The following LRIG2 variants were observed in gnomAD, a reference collection of about 807,000 sequenced individuals.
LRIG2 encodes leucine-rich repeats and immunoglobulin-like domains protein 2.
In LRIG2, 93 loss-of-function variants were observed where a neutral mutation model predicts 107.8. The observed-to-expected ratio is 0.86, with a 90% CI of 0.73 to 1.03. The LOEUF (loss-of-function observed/expected upper bound fraction) is 1.03. Among genes scored for constraint, LRIG2 ranks in the 50% least tolerant of loss-of-function variants. The pLI, the probability that LRIG2 is intolerant of heterozygous loss-of-function variation, is 0.00. For synonymous variants in LRIG2, 471 were observed against 470.6 expected, an observed-to-expected ratio of 1.00 and a Z score of -0.01; for missense variants, 1,226 against 1,296.0, an observed-to-expected ratio of 0.95 and a Z score of 0.83.
chr1:113,124,191 A>ATT lies in LRIG2; in HGVS notation c.*92_*93dup, dbSNP rs1655391567. ...GCTCAGAAGAAACTCCGAAGTCAGC[A>ATT]TTTGCTTTACTCTTTCTTTATGATT... On this transcript the variant is annotated 3_prime_UTR_variant, in exon 18 of 18. Coordinates refer to ENST00000361127, the MANE Select transcript of LRIG2 (RefSeq NM_014813.3). 13 of 1,133,492 alleles carry ATT rather than the reference A, an allele frequency of 1.1e-5. No homozygotes were observed. Among genetic ancestry groups the ATT allele is most frequent in the Non-Finnish European group, 1.5e-5 (12 of 775,956 alleles). The allele number at this position is 1,133,492 out of a possible 1,614,324, so 70.2% of individuals were successfully genotyped here.
chr1:113,109,479 C>T (rs1302516341), intron 12 of LRIG2, among the ~76,000 whole-genome samples: 1 of 152,066 alleles, frequency 6.6e-6, no homozygotes, highest in Non-Finnish European at 1.5e-5. Context: ...ATTCATAATC[C>T]CCCCATTTTA....
Position 113,126,246 on chromosome 1 carries a change from A to G in LRIG2, c.*2145A>G, listed in dbSNP as rs1655482963. 1 of 152,236 alleles carries G rather than the reference A, an allele frequency of 6.6e-6. No homozygotes were observed. 9.4% of individuals were successfully genotyped at this position (152,236 alleles called of 1,614,324 possible). A position where few individuals can be genotyped will look rare whatever the true frequency, so the allele number is the denominator to read the frequency against. On this transcript the variant is annotated 3_prime_UTR_variant, in exon 18 of 18. Coordinates refer to ENST00000361127, the MANE Select transcript of LRIG2 (RefSeq NM_014813.3). ...CTGTCTCATTTACCAGGGGTCATTC[A>G]AAAGTCTGAGATGTATATTATCATG...
chr1:113,090,040 C>G (rs1653734624), intron 1 of LRIG2, among the ~76,000 whole-genome samples: 1 of 151,436 alleles, frequency 6.6e-6, no homozygotes, highest in Non-Finnish European at 1.5e-5. Context: ...AGGATGTGGT[C>G]AACTTCAATT....
chr1:113,093,480 C>T lies in LRIG2; in HGVS notation c.431C>T (p.Pro144Leu). 3.1e-6 allele frequency: 5 copies of T among 1,612,470 alleles called. No homozygotes were observed. The highest frequency in any genetic ancestry group is 4.2e-6 in the Non-Finnish European group (5 of 1,178,574). ...EINAQALQFY[P>L]ALESLDLSSN... ...AATGCACAGGCACTCCAGTTTTACCCTGCTCTGGAGAGTTTAGACCTCAGC... is the reference window on the plus strand; with the variant it reads ...AATGCACAGGCACTCCAGTTTTACCTTGCTCTGGAGAGTTTAGACCTCAGC... Residue 144 changes from proline to leucine, a missense_variant, in exon 4 of 18, where the codon CCT becomes CTT. By Grantham distance (98) the Pro-to-Leu change is moderately conservative. Coordinates refer to ENST00000361127, the MANE Select transcript of LRIG2 (RefSeq NM_014813.3).
intron 1 of LRIG2, among the ~76,000 whole-genome samples, chr1:113,076,197 G>C (rs997768282): frequency 6.6e-6 from 1 of 151,706 alleles, no homozygotes; most frequent in Non-Finnish European, 1.5e-5. Flanking sequence ...GTAGAGACGG[G>C]GTTTCACCAT....
chr1:113,121,604 G>A (rs1215925698), intron 17 of LRIG2, among the ~76,000 whole-genome samples: 2 of 152,000 alleles, frequency 1.3e-5, no homozygotes, highest in Non-Finnish European at 2.9e-5. Flanking sequence ...TTAGCTGGGC[G>A]TGGTGGTGGG....
At chr1:113,092,561 C>G (rs1185038129) in intron 2 of LRIG2, among the ~76,000 whole-genome samples, 3 of 23,956 alleles carry the variant, frequency 1.3e-4, no homozygotes, top group South Asian at 0.012. Context: ...ACTGATTATG[C>G]CTTCTTTAAG....
At chr1:113,110,973 T>C (rs888756230) in intron 13 of LRIG2, among the ~76,000 whole-genome samples, 3 of 149,418 alleles carry the variant, frequency 2.0e-5, no homozygotes, top group African/African-American at 7.4e-5. Context: ...TGTCTAAATG[T>C]AGTTACACAG....
intron 17 of LRIG2, among the ~76,000 whole-genome samples, chr1:113,120,032 A>G (rs954767324): frequency 1.3e-5 from 2 of 151,370 alleles, no homozygotes; most frequent in African/African-American, 4.9e-5. Flanking sequence ...CTGGTCATGA[A>G]CTCCTGACCT....
chr1:113,123,725 T>G, intron 17 of LRIG2, 150 bp from the exon 18 acceptor site: 1 of 572,626 alleles, frequency 1.7e-6, no homozygotes, highest in Middle Eastern at 4.5e-4. Flanking sequence ...TGGTGGTGGT[T>G]TTTGTGTGTG....
rs750649073 is a variant in LRIG2, at chr1:113,091,341, C to A, written c.263C>A (p.Ser88Tyr). 1 of 1,605,604 alleles carries A rather than the reference C, an allele frequency of 6.2e-7. No individual in the cohort carries two copies. The change falls in exon 2 of 18, where the codon TCT becomes TAT. Residue 88 changes from serine (S) to tyrosine (Y), a missense_variant. Physicochemically the swap from Ser to Tyr is moderately radical, Grantham distance 144. Transcript: ENST00000361127. ...AGGGATTTCAGTCATAATCGGTTGT[C>A]TAACTGGAACATCAGCTTGGAATCA... is the stretch of plus-strand genomic sequence containing the variant. ...AILDFSHNRL[S>Y]NWNISLESQT...
At chr1:113,093,408 C>T (rs1653910358) in intron 3 of LRIG2, 22 bp from the exon 4 acceptor site, 4 of 1,612,112 alleles carry the variant, frequency 2.5e-6, no homozygotes, top group Non-Finnish European at 3.4e-6. Context: ...GCAGCAGCTT[C>T]ATTATAATCT....
intron 11 of LRIG2, among the ~76,000 whole-genome samples, chr1:113,104,362 G>A (rs982350285): frequency 6.6e-6 from 1 of 152,070 alleles, no homozygotes; most frequent in Non-Finnish European, 1.5e-5. Context: ...AGGGGACTTG[G>A]GGACTCCCAA....
Position 113,112,773 on chromosome 1 carries a change from C to G in LRIG2, c.2080+13C>G. 3.8e-6 allele frequency: 6 copies of G among 1,576,886 alleles called. No homozygotes were observed. The highest frequency in any genetic ancestry group is 5.2e-6 in the Non-Finnish European group (6 of 1,154,432). On this transcript the variant is annotated intron_variant, in intron 14 of 17. Coordinates refer to ENST00000361127, the MANE Select transcript of LRIG2 (RefSeq NM_014813.3). ...CTAACAGTGTTAGGTACGTTTACTG[C>G]TCCATGGGTCCCTGCTTTTGTTGGA...
intron 16 of LRIG2, among the ~76,000 whole-genome samples, chr1:113,117,117 T>G (rs1280227244): frequency 6.6e-6 from 1 of 151,842 alleles, no homozygotes. Flanking sequence ...ATACACAGAG[T>G]TCTTCTCCCT....
At chr1:113,100,724 T>A in intron 11 of LRIG2, 2 of 375,490 alleles carry the variant, frequency 5.3e-6, no homozygotes, top group South Asian at 8.8e-5. Context: ...TACCAATGCT[T>A]ATAATTAGGA....
chr1:113,101,262 T>C (rs1313501256), intron 11 of LRIG2, among the ~76,000 whole-genome samples: 1 of 152,164 alleles, frequency 6.6e-6, no homozygotes, highest in Non-Finnish European at 1.5e-5. Context: ...AGAGACAGGG[T>C]TTCGCCATGT....
chr1:113,119,533 G>A lies in LRIG2; in HGVS notation c.2971+10G>A, dbSNP rs373948224. The A allele has an allele frequency of 6.2e-7, 1 of 1,609,294 alleles. No individual in the cohort carries two copies. On this transcript the variant is annotated intron_variant, in intron 17 of 17. Coordinates refer to ENST00000361127, the MANE Select transcript of LRIG2 (RefSeq NM_014813.3). ...ACACAGATGAGCGGTGGTAAGGGAT[G>A]TATTTTTGTTGTTATTTTGTTTTTA...
At chr1:113,097,369 G>A (rs915483925) in intron 8 of LRIG2, among the ~76,000 whole-genome samples, 2 of 152,106 alleles carry the variant, frequency 1.3e-5, no homozygotes, top group East Asian at 3.8e-4. Flanking sequence ...ATGGTTCAGA[G>A]AAGAGGCAGG....
Sources: allele counts gnomAD v4.1 joint callset (sites outside exome capture counted in the v4.1 genomes callset), GRCh38; gene constraint gnomAD v4.1.1; transcripts MANE v1.5; gene names NCBI Gene and HGNC (gene_info 2026-07-23, HGNC 2026-07-21).